The following RALGAPA1 variants were observed in gnomAD, a reference collection of about 807,000 sequenced individuals.
The protein encoded by RALGAPA1 is Ral GTPase activating protein catalytic subunit alpha 1, also known as ral GTPase-activating protein subunit alpha-1.
RALGAPA1 carries 52 observed loss-of-function variants against 269.6 expected under a neutral mutation model. The observed-to-expected ratio is 0.19, with a 90% CI of 0.15 to 0.24. RALGAPA1 has a LOEUF of 0.24. Among genes scored for constraint, RALGAPA1 ranks in the 10% least tolerant of loss-of-function variants. RALGAPA1 has a pLI of 1.00. For synonymous variants in RALGAPA1, 817 were observed against 1,008.3 expected, an observed-to-expected ratio of 0.81 and a Z score of 3.60; for missense variants, 1,917 against 3,013.9, an observed-to-expected ratio of 0.64 and a Z score of 8.52.
intron 17 of RALGAPA1, among the ~76,000 whole-genome samples, chr14:35,699,895 C>CA (rs34255458): frequency 0.024 from 1,850 of 76,308 alleles, 18 homozygotes; most frequent in Middle Eastern, 0.036. Context: ...AATCAAACAG[C>CA]AAAAAAAAAA....
chr14:35,751,822 C>CA (rs1567156198), intron 8 of RALGAPA1, among the ~76,000 whole-genome samples: 2 of 146,668 alleles, frequency 1.4e-5, no homozygotes, highest in South Asian at 2.2e-4. Flanking sequence ...CAAAAAAAAA[C>CA]AAAAAAAGAA....
At chr14:35,602,128 T>G (rs1363880540) in intron 36 of RALGAPA1, among the ~76,000 whole-genome samples, 1 of 152,226 alleles carries the variant, frequency 6.6e-6, no homozygotes, top group Non-Finnish European at 1.5e-5. Context: ...GGTACATTCA[T>G]GCTGTAGCAC....
intron 1 of RALGAPA1, among the ~76,000 whole-genome samples, chr14:35,797,663 C>T (rs971786115): frequency 7.3e-5 from 11 of 151,502 alleles, no homozygotes; most frequent in African/African-American, 2.2e-4. Context: ...CTTACCAACA[C>T]GGAGAAGCCC....
intron 27 of RALGAPA1, among the ~76,000 whole-genome samples, chr14:35,662,788 TAAAAAACAAAAC>T (rs992815456): frequency 1.3e-5 from 2 of 152,136 alleles, no homozygotes; most frequent in Non-Finnish European, 1.5e-5. Context: ...TTCAGAACAG[TAAAAAACAAAAC>T]AAAACAAAAA....
At chr14:35,640,863 T>G (rs2061982594) in intron 31 of RALGAPA1, among the ~76,000 whole-genome samples, 1 of 152,102 alleles carries the variant, frequency 6.6e-6, no homozygotes, top group African/African-American at 2.4e-5. Flanking sequence ...CAACAATGCA[T>G]TAGAAATATC....
intron 37 of RALGAPA1, among the ~76,000 whole-genome samples, chr14:35,581,281 C>T (rs952566196): frequency 6.6e-6 from 1 of 151,996 alleles, no homozygotes; most frequent in Admixed American, 6.5e-5. Context: ...ATTAAGGCAA[C>T]AGTCATTAGG....
At chr14:35,597,870 T>A (rs915485417) in intron 36 of RALGAPA1, among the ~76,000 whole-genome samples, 1 of 152,248 alleles carries the variant, frequency 6.6e-6, no homozygotes, top group Non-Finnish European at 1.5e-5. Flanking sequence ...TTTGATTCCA[T>A]TGGGGTTCAA....
chr14:35,659,964 C>T (rs879297032), intron 27 of RALGAPA1, among the ~76,000 whole-genome samples: 4 of 151,912 alleles, frequency 2.6e-5, no homozygotes, highest in Non-Finnish European at 5.9e-5. Flanking sequence ...AATTTTTTTG[C>T]ATGAAAAATA....
chr14:35,670,272 A>G (rs1485656041), intron 26 of RALGAPA1, among the ~76,000 whole-genome samples: 3 of 152,218 alleles, frequency 2.0e-5, no homozygotes, highest in African/African-American at 7.2e-5. Context: ...GCAGCTAAAC[A>G]ATGAAATAAG....
intron 35 of RALGAPA1, among the ~76,000 whole-genome samples, chr14:35,607,483 A>G (rs1405496772): frequency 1.3e-5 from 2 of 152,216 alleles, no homozygotes; most frequent in Non-Finnish European, 1.5e-5. Context: ...CAGAAGCTCC[A>G]GGAACAAAAC....
At chr14:35,704,811 A>C (rs1265803335) in intron 16 of RALGAPA1, among the ~76,000 whole-genome samples, 1 of 152,134 alleles carries the variant, frequency 6.6e-6, no homozygotes, top group Non-Finnish European at 1.5e-5. Flanking sequence ...GTTTGTTATT[A>C]AAGGAAATAA....
At chr14:35,543,952 A>G (rs2054234176) in intron 41 of RALGAPA1, among the ~76,000 whole-genome samples, 1 of 152,132 alleles carries the variant, frequency 6.6e-6, no homozygotes, top group Admixed American at 6.6e-5. Flanking sequence ...AGGAAATAAC[A>G]TAATTTAAAA....
At chr14:35,628,574 T>C (rs1450060356) in intron 33 of RALGAPA1, among the ~76,000 whole-genome samples, 1 of 152,214 alleles carries the variant, frequency 6.6e-6, no homozygotes, top group East Asian at 1.9e-4. Flanking sequence ...AGACAGTTTG[T>C]AGATGCCTTA....
intron 33 of RALGAPA1, 147 bp from the exon 34 acceptor site, chr14:35,628,098 A>C: frequency 1.0e-6 from 1 of 979,926 alleles, no homozygotes; most frequent in Non-Finnish European, 1.4e-6. Flanking sequence ...ATGGCAAAAA[A>C]GGAGGAAAAC....
intron 17 of RALGAPA1, among the ~76,000 whole-genome samples, chr14:35,694,492 T>G (rs1354989758): frequency 6.6e-6 from 1 of 152,174 alleles, no homozygotes; most frequent in Non-Finnish European, 1.5e-5. Context: ...TTTTTAAGAT[T>G]AGATGTTCAA....
In RALGAPA1 at chr14:35,744,603, A is replaced by G. The variant is rs536300489; in HGVS notation, c.1252-2038T>C. On this transcript the variant is annotated intron_variant, in intron 10 of 41. Transcript: ENST00000680220. ...GATGATGATGGAAAGTTAAGGTGCA[A>G]TATCAACAGAATATTTATTGTTGTT... 5.3e-5 allele frequency among the ~76,000 whole-genome samples: 8 copies of G among 152,284 alleles called. No individual in the cohort carries two copies. In the South Asian group the frequency reaches 1.5e-3, roughly 28 times the overall value.
intron 41 of RALGAPA1, among the ~76,000 whole-genome samples, chr14:35,544,116 A>G (rs1221186178): frequency 6.6e-6 from 1 of 152,236 alleles, no homozygotes; most frequent in Non-Finnish European, 1.5e-5. Context: ...ATTTGCATTT[A>G]TATGGATAAC....
chr14:35,708,885 T>C (rs1347621179), intron 16 of RALGAPA1, among the ~76,000 whole-genome samples: 1 of 152,178 alleles, frequency 6.6e-6, no homozygotes. Context: ...GGATATGTGG[T>C]ATATATACGC....
rs757719135 is a variant in RALGAPA1 at position 35,627,892 on chromosome 14, G to T, written c.6055C>A (p.Leu2019Met). ...SIAARTVITH[L>M]VNHLGHYPMS... ...GGATAATGGCCCAGGTGATTTACCA[G>T]ATGTGTAATAACAGTGCGGGCTGCT... The change falls in exon 34 of 42, where the codon CTG becomes ATG. Residue 2019 changes from leucine to methionine, a missense_variant. Physicochemically the swap from Leu to Met is conservative, Grantham distance 15. Coordinates refer to ENST00000680220, the MANE Select transcript of RALGAPA1 (RefSeq NM_001346249.2). 2 of 1,563,364 alleles carry T rather than the reference G, an allele frequency of 1.3e-6. No homozygotes were observed. The highest frequency in any genetic ancestry group is 2.4e-5 in the South Asian group (2 of 81,812).
Sources: allele counts gnomAD v4.1 joint callset (sites outside exome capture counted in the v4.1 genomes callset), GRCh38; gene constraint gnomAD v4.1.1; transcripts MANE v1.5; gene names NCBI Gene and HGNC (gene_info 2026-07-23, HGNC 2026-07-21).